Variants in NIBAN1 observed in about 807,000 individuals in gnomAD.
The protein encoded by NIBAN1 is protein Niban 1.
A neutral mutation model predicts 75.1 loss-of-function variants in NIBAN1; 81 were observed. The ratio of observed to expected loss-of-function variants is 1.08; its 90% CI spans 0.90 to 1.30. The LOEUF (loss-of-function observed/expected upper bound fraction) is 1.30. NIBAN1 is among the 50% of genes most tolerant of loss of function. The pLI, the probability that NIBAN1 is intolerant of heterozygous loss-of-function variation, is 0.00. For missense variants in NIBAN1, 1,133 were observed against 1,128.1 expected (o/e 1.00, Z -0.06); for synonymous variants, 436 against 424.8 (o/e 1.03, Z -0.32).
chr1:184,913,249 T>C (rs1348475162), intron 1 of NIBAN1, among the ~76,000 whole-genome samples: 3 of 151,494 alleles, frequency 2.0e-5, no homozygotes, highest in Non-Finnish European at 4.4e-5. Flanking sequence ...AATGCATTTG[T>C]AATTTTTATA....
chr1:184,840,912 G>A (rs769755942), intron 5 of NIBAN1, among the ~76,000 whole-genome samples: 1 of 151,820 alleles, frequency 6.6e-6, no homozygotes, highest in Non-Finnish European at 1.5e-5. Context: ...GAAATCTCCA[G>A]GGCATTGCCT....
intron 1 of NIBAN1, among the ~76,000 whole-genome samples, chr1:184,935,532 A>G (rs1657932669): frequency 6.6e-6 from 1 of 152,096 alleles, no homozygotes; most frequent in Non-Finnish European, 1.5e-5. Flanking sequence ...CCAGCAAATA[A>G]AAGAAAGGGG....
chr1:184,921,472 T>C (rs1657553739), intron 1 of NIBAN1, among the ~76,000 whole-genome samples: 1 of 152,118 alleles, frequency 6.6e-6, no homozygotes, highest in Admixed American at 6.6e-5. Context: ...AAATGATAAG[T>C]GATTATCACT....
chr1:184,869,491 A>G (rs1656041943), intron 5 of NIBAN1, among the ~76,000 whole-genome samples: 1 of 152,084 alleles, frequency 6.6e-6, no homozygotes, highest in African/African-American at 2.4e-5. Flanking sequence ...GTTTAATTTT[A>G]TCTTACAATT....
chr1:184,818,961 T>A, intron 8 of NIBAN1, 136 bp from the exon 9 acceptor site: 2 of 894,248 alleles, frequency 2.2e-6, no homozygotes, highest in Non-Finnish European at 3.3e-6. Flanking sequence ...CATGACAGAC[T>A]AGCACAATGA....
intron 1 of NIBAN1, among the ~76,000 whole-genome samples, chr1:184,956,720 T>C (rs567103201): frequency 1.4e-4 from 22 of 152,332 alleles, no homozygotes; most frequent in Non-Finnish European, 2.5e-4. Context: ...CTCTATATTT[T>C]TTTCATTTAA....
rs1238258517 is a variant in NIBAN1, at chr1:184,795,051, G to A, written c.2713C>T (p.Leu905=). ...TCCTTCACGTCATCTTTGTGTGACA[G>A]CAGGACATCCGGGTTTGGAGCATCC... The part of the protein sequence containing the change: ...VEDAPNPDVL[L]SHKDDVKEGE... The change falls in exon 14 of 14, where the codon CTG becomes TTG. Residue 905 remains leucine, a synonymous_variant. Coordinates refer to ENST00000367511, the MANE Select transcript of NIBAN1 (RefSeq NM_052966.4). 16 of 1,613,876 alleles carry A rather than the reference G, an allele frequency of 9.9e-6. 1 individual carries two copies. The East Asian group carries it at 3.6e-4, about 36-fold the overall frequency.
chr1:184,809,732 C>A, intron 9 of NIBAN1, among the ~76,000 whole-genome samples: 1 of 149,462 alleles, frequency 6.7e-6, no homozygotes, highest in Admixed American at 6.7e-5. Flanking sequence ...ATGCTTTATT[C>A]ATAATGCCAG....
At chr1:184,893,031 C>T (rs1445558114) in intron 3 of NIBAN1, among the ~76,000 whole-genome samples, 2 of 152,188 alleles carry the variant, frequency 1.3e-5, no homozygotes, top group Non-Finnish European at 2.9e-5. Context: ...CTTGGCCTCC[C>T]AAAGTGCTGG....
In NIBAN1 at chr1:184,813,993, C is replaced by CA. The variant is rs777205937; in HGVS notation, c.1173+4644dup. Among the ~76,000 whole-genome samples the CA allele has an allele frequency of 7.4e-4, 112 of 152,250 alleles. 1 individual carries two copies. The highest frequency in any genetic ancestry group is 1.0e-3 in the Non-Finnish European group (71 of 68,016). On this transcript the variant is annotated intron_variant, in intron 9 of 13. Coordinates refer to ENST00000367511, the MANE Select transcript of NIBAN1 (RefSeq NM_052966.4). The stretch of plus-strand genomic sequence containing the variant: ...GAGCCTACTGAAAAAAATAGGTTTA[C>CA]ATGCAAGGTATGTAAGGAGAATTAA...
intron 1 of NIBAN1, among the ~76,000 whole-genome samples, chr1:184,937,034 A>G (rs1016452589): frequency 1.1e-4 from 17 of 152,042 alleles, no homozygotes; most frequent in African/African-American, 3.9e-4. Flanking sequence ...TCTTCCTTAT[A>G]CGGGCGCATT....
At chr1:184,883,968 G>A (rs1332493060) in intron 5 of NIBAN1, among the ~76,000 whole-genome samples, 1 of 152,194 alleles carries the variant, frequency 6.6e-6, no homozygotes, top group Non-Finnish European at 1.5e-5. Flanking sequence ...TGTTCTTGCT[G>A]GCATTTAGAT....
In NIBAN1 at chr1:184,799,782, G is replaced by A; in HGVS notation, c.1555-1592C>T. Among the ~76,000 whole-genome samples, 2 of 67,144 alleles carry A rather than the reference G, an allele frequency of 3.0e-5. 1 individual carries two copies. Among genetic ancestry groups the A allele is most frequent in the East Asian group, 1.1e-3 (2 of 1,850 alleles). The allele number at this position is 67,144 out of a possible 152,430, so 44.0% of individuals were successfully genotyped here. On this transcript the variant is annotated intron_variant, in intron 12 of 13. Coordinates refer to ENST00000367511, the MANE Select transcript of NIBAN1 (RefSeq NM_052966.4). ...TTTTTTTGAGACGGAGTCTCGCTCT[G>A]TCGCCCAGGCTGGAGTGCAGTGGCG...
intron 1 of NIBAN1, among the ~76,000 whole-genome samples, chr1:184,908,339 A>G (rs968464833): frequency 6.6e-5 from 10 of 152,358 alleles, no homozygotes; most frequent in African/African-American, 2.2e-4. Flanking sequence ...TCTGCAAATG[A>G]CCACTGAAAT....
At chr1:184,908,417 G>T (rs747430793) in intron 1 of NIBAN1, among the ~76,000 whole-genome samples, 3 of 152,166 alleles carry the variant, frequency 2.0e-5, no homozygotes, top group Non-Finnish European at 4.4e-5. Flanking sequence ...ATAAGTAAGA[G>T]AAATGGGAGA....
chr1:184,855,923 C>T (rs539743448), intron 5 of NIBAN1, among the ~76,000 whole-genome samples: 1 of 151,892 alleles, frequency 6.6e-6, no homozygotes, highest in African/African-American at 2.4e-5. Flanking sequence ...TGTTTCTAGC[C>T]GATTGGTAAG....
chr1:184,836,658 A>C (rs1219736769), intron 5 of NIBAN1, among the ~76,000 whole-genome samples: 1 of 152,214 alleles, frequency 6.6e-6, no homozygotes, highest in Non-Finnish European at 1.5e-5. Flanking sequence ...ATCTTAATAC[A>C]GAAGAGAAGA....
At chr1:184,819,399 G>A (rs930095042) in intron 8 of NIBAN1, among the ~76,000 whole-genome samples, 1 of 151,996 alleles carries the variant, frequency 6.6e-6, no homozygotes, top group Non-Finnish European at 1.5e-5. Context: ...AGGTTTTTCT[G>A]ACCAAGATGA....
intron 1 of NIBAN1, among the ~76,000 whole-genome samples, chr1:184,928,056 C>T (rs1657725399): frequency 6.6e-6 from 1 of 152,056 alleles, no homozygotes; most frequent in African/African-American, 2.4e-5. Flanking sequence ...GCTCTTTAGC[C>T]AGCAGGTGAT....
Sources: gnomAD v4.1 joint callset for allele counts (sites outside exome capture counted in the v4.1 genomes callset) on GRCh38, gnomAD v4.1.1 for gene constraint, MANE v1.5 for transcripts, NCBI Gene and HGNC (gene_info 2026-07-23, HGNC 2026-07-21) for gene names.